Variants in TET2 observed in about 807,000 individuals in gnomAD.
TET2 encodes the protein methylcytosine dioxygenase TET2.
TET2 carries 299 observed loss-of-function variants against 142.9 expected under a neutral mutation model. That is an observed-to-expected ratio of 2.09 (90% CI 1.90 to 2.30). TET2 has a LOEUF of 2.30. TET2 is among the 30% of genes most tolerant of loss of function. The pLI is 0.00. For missense variants in TET2, 2,418 were observed against 2,378.0 expected, an observed-to-expected ratio of 1.02 and a Z score of -0.35; for synonymous variants, 819 against 849.0, an observed-to-expected ratio of 0.96 and a Z score of 0.61.
intron 1 of TET2, among the ~76,000 whole-genome samples, chr4:105,163,806 C>CGAGAGAGAGA (rs59658275): frequency 5.6e-4 from 45 of 79,788 alleles, no homozygotes; most frequent in African/African-American, 1.4e-3. Context: ...TCGAAAGTTT[C>CGAGAGAGAGA]GAGAGAGAGA....
rs1482652926 is a variant in TET2, at chr4:105,237,303, G to T, written c.3361G>T (p.Asp1121Tyr). 7 of 1,614,010 alleles carry T rather than the reference G, an allele frequency of 4.3e-6. No individual in the cohort carries two copies. Among genetic ancestry groups the T allele is most frequent in the Non-Finnish European group, 5.9e-6 (7 of 1,179,952 alleles). The change falls in exon 3 of 11, where the codon GAT becomes TAT. Residue 1121 changes from aspartate (D) to tyrosine (Y), a missense_variant. Physicochemically the swap from Asp to Tyr is radical, Grantham distance 160. Coordinates refer to ENST00000380013, the MANE Select transcript of TET2 (RefSeq NM_001127208.3). Reference protein sequence around the residue: ...LLDTPIKNLLDTPVKTQYDFP... With the variant: ...LLDTPIKNLLYTPVKTQYDFP... Reference sequence around the variant, plus strand: ...AGATACTCCTATAAAAAATTTATTGGATACACCTGTCAAGACTCAATATGA... The same window carrying T: ...AGATACTCCTATAAAAAATTTATTGTATACACCTGTCAAGACTCAATATGA...
At chr4:105,156,898 G>A (rs941871932) in intron 1 of TET2, among the ~76,000 whole-genome samples, 4 of 152,028 alleles carry the variant, frequency 2.6e-5, no homozygotes, top group Admixed American at 6.5e-5. Context: ...TGTTCTTTTA[G>A]CACTTTTCCT....
At chr4:105,165,800 G>A (rs188090291) in intron 1 of TET2, among the ~76,000 whole-genome samples, 1 of 152,260 alleles carries the variant, frequency 6.6e-6, no homozygotes, top group Non-Finnish European at 1.5e-5. Context: ...AAAATGTATA[G>A]GAGCATGGTA....
intron 1 of TET2, chr4:105,172,304 A>C (rs535973205): frequency 2.6e-5 from 4 of 152,338 alleles, no homozygotes; most frequent in African/African-American, 9.6e-5. Context: ...CACACAGTTG[A>C]CTAACACATA....
At chr4:105,265,818 G>A (rs1362080542) in intron 8 of TET2, among the ~76,000 whole-genome samples, 2 of 152,112 alleles carry the variant, frequency 1.3e-5, no homozygotes, top group African/African-American at 4.8e-5. Context: ...TGGCACCAGA[G>A]AGAAAGGAAG....
In TET2 at chr4:105,221,935, A is replaced by G. The variant is rs866967856; in HGVS notation, c.-46-11962A>G. On this transcript the variant is annotated intron_variant, in intron 2 of 10. Transcript: ENST00000380013. The stretch of plus-strand genomic sequence containing the variant: ...TGTGTCCATGTGTTCTCATTGTTCA[A>G]TTCCCACCTATGAGTGAGAATATGC... Among the ~76,000 whole-genome samples the G allele has an allele frequency of 6.6e-3, 978 of 148,566 alleles. 5 individuals carry two copies. Among genetic ancestry groups the G allele is most frequent in the Non-Finnish European group, 0.011 (723 of 67,216 alleles).
chr4:105,238,499 T>A, intron 3 of TET2: 2 of 247,148 alleles, frequency 8.1e-6, no homozygotes, highest in Non-Finnish European at 8.5e-6. Flanking sequence ...TCTGAATCCT[T>A]TGTTGTCATT....
intron 2 of TET2, among the ~76,000 whole-genome samples, chr4:105,230,069 TCTCA>T (rs1268066834): frequency 1.3e-5 from 2 of 152,136 alleles, no homozygotes; most frequent in Non-Finnish European, 1.5e-5. Flanking sequence ...TGAGACAGTG[TCTCA>T]CTCTGTCACC....
chr4:105,153,384 A>G (rs1723408030), intron 1 of TET2, among the ~76,000 whole-genome samples: 1 of 152,194 alleles, frequency 6.6e-6, no homozygotes, highest in African/African-American at 2.4e-5. Context: ...TTCTCAAAAC[A>G]GAGAAGTTTA....
chr4:105,170,299 C>A (rs11938493), intron 1 of TET2, among the ~76,000 whole-genome samples: 7,529 of 152,138 alleles, frequency 0.049, 498 homozygotes, highest in African/African-American at 0.15. Context: ...ACATGGTGAG[C>A]ACTCAATAAA....
At chr4:105,246,275 T>TA (rs11463202) in intron 6 of TET2, among the ~76,000 whole-genome samples, 97,158 of 152,128 alleles carry the variant, frequency 0.64, 32,194 homozygotes, top group African/African-American at 0.83. Flanking sequence ...ATCTGACATA[T>TA]AAAAAATTAC....
intron 1 of TET2, among the ~76,000 whole-genome samples, chr4:105,162,348 A>G (rs1051231519): frequency 2.0e-5 from 3 of 152,184 alleles, no homozygotes; most frequent in East Asian, 3.8e-4. Context: ...AGTGGTGTCT[A>G]TCTTACTAAC....
intron 2 of TET2, among the ~76,000 whole-genome samples, chr4:105,219,068 G>T (rs1320719836): frequency 6.6e-6 from 1 of 151,900 alleles, no homozygotes; most frequent in Non-Finnish European, 1.5e-5. Flanking sequence ...TCTTCTGATA[G>T]ACTGGTTATT....
intron 3 of TET2, chr4:105,239,170 G>C: frequency 4.4e-6 from 1 of 225,006 alleles, no homozygotes; most frequent in Non-Finnish European, 9.6e-6. Flanking sequence ...TCCAGACTTT[G>C]TTGTTCCATT....
At chr4:105,178,431 G>C (rs979141786) in intron 1 of TET2, among the ~76,000 whole-genome samples, 9 of 152,228 alleles carry the variant, frequency 5.9e-5, no homozygotes, top group East Asian at 1.9e-4. Flanking sequence ...TTTCCAGAGG[G>C]AGGAATGTAT....
chr4:105,265,866 T>C (rs1330801089), intron 8 of TET2, among the ~76,000 whole-genome samples: 2 of 152,184 alleles, frequency 1.3e-5, no homozygotes, highest in African/African-American at 4.8e-5. Flanking sequence ...GTTTACTTCC[T>C]GAAGAGAGTA....
chr4:105,224,786 A>ATAATTGTT (rs1728083832), intron 2 of TET2, among the ~76,000 whole-genome samples: 1 of 149,654 alleles, frequency 6.7e-6, no homozygotes, highest in African/African-American at 2.5e-5. Flanking sequence ...GAGTGGCCAT[A>ATAATTGTT]TAATTGTTGC....
chr4:105,236,910 C>T lies in TET2; in HGVS notation c.2968C>T (p.His990Tyr). ...PIKVEPGCKP[H>Y]ACMHTAPPEN... Reference sequence around the variant, plus strand: ...TAAGGTGGAACCTGGATGCAAGCCACATGCCTGTATGCACACAGCACCACC... The same window carrying T: ...TAAGGTGGAACCTGGATGCAAGCCATATGCCTGTATGCACACAGCACCACC... The change falls in exon 3 of 11, where the codon CAT becomes TAT. Residue 990 changes from histidine (H) to tyrosine (Y), a missense_variant. His to Tyr is a moderately conservative substitution (Grantham distance 83, BLOSUM62 2). Transcript: ENST00000380013. 2 of 1,614,116 alleles carry T rather than the reference C, an allele frequency of 1.2e-6. No individual in the cohort carries two copies. The highest frequency in any genetic ancestry group is 1.3e-5 in the African/African-American group (1 of 75,036).
At chr4:105,190,114 G>T (rs73836048) in intron 1 of TET2, among the ~76,000 whole-genome samples, 1 of 152,046 alleles carries the variant, frequency 6.6e-6, no homozygotes, top group African/African-American at 2.4e-5. Context: ...TGATTATTGC[G>T]GTGAAGATGT....
Sources: gnomAD v4.1 joint callset for allele counts (sites outside exome capture counted in the v4.1 genomes callset) on GRCh38, gnomAD v4.1.1 for gene constraint, MANE v1.5 for transcripts, NCBI Gene and HGNC (gene_info 2026-07-23, HGNC 2026-07-21) for gene names.